HIVEP3: variants seen among roughly 807,000 people sequenced by gnomAD.
HIVEP3 encodes the protein transcription factor HIVEP3.
Under a neutral mutation model 152.8 loss-of-function variants are expected in HIVEP3, and 49 were observed. The observed-to-expected ratio is 0.32, with a 90% confidence interval of 0.26 to 0.41. The LOEUF is 0.41. HIVEP3 is among the 10% of genes least tolerant of loss of function. The pLI is 1.00. For synonymous variants in HIVEP3, 1,269 were observed against 1,289.0 expected, an observed-to-expected ratio of 0.98 and a Z score of 0.33; for missense variants, 2,790 against 3,103.3, an observed-to-expected ratio of 0.90 and a Z score of 2.40.
intron 5 of HIVEP3, among the ~76,000 whole-genome samples, chr1:41,567,085 C>G (rs887378228): frequency 6.6e-6 from 1 of 152,160 alleles, no homozygotes; most frequent in Non-Finnish European, 1.5e-5. Context: ...GTCACATGTC[C>G]AACAAGTTTT....
rs139041950 is a variant in HIVEP3, at chr1:41,579,916, C to T, written c.4882G>A (p.Ala1628Thr). 1.0e-4 allele frequency: 166 copies of T among 1,614,190 alleles called. No individual in the cohort carries two copies. Among genetic ancestry groups the T allele is most frequent in the Admixed American group, 1.7e-4 (10 of 60,032 alleles). ...QHADRRSSVY[A>T]GWCISLYNPN... ...TTGTACAAACTTATGCACCAACCAG[C>T]GTAAACAGAGGACCTCCTATCTGCA... Residue 1628 changes from alanine (A) to threonine (T), a missense_variant, in exon 4 of 9, where the codon GCT becomes ACT. This residue lies in a region of HIVEP3 where 1,078 missense variants were observed against 1,165.3 expected (regional missense o/e 0.93). Coordinates refer to ENST00000372583, the MANE Select transcript of HIVEP3 (RefSeq NM_024503.5).
chr1:41,519,268 G>T (rs918360306), intron 6 of HIVEP3, among the ~76,000 whole-genome samples: 5 of 152,216 alleles, frequency 3.3e-5, no homozygotes, highest in African/African-American at 1.2e-4. Context: ...CCTCAGAGGG[G>T]AGGCTGACTT....
At chr1:41,714,934 C>T (rs1371661378) in intron 1 of HIVEP3, among the ~76,000 whole-genome samples, 1 of 152,102 alleles carries the variant, frequency 6.6e-6, no homozygotes, top group Non-Finnish European at 1.5e-5. Context: ...AGACTGTCTT[C>T]CCCACTCCCT....
At chr1:41,551,011 T>C (rs1388044355) in intron 5 of HIVEP3, among the ~76,000 whole-genome samples, 1 of 152,182 alleles carries the variant, frequency 6.6e-6, no homozygotes, top group African/African-American at 2.4e-5. Flanking sequence ...TGGCTGTGGG[T>C]TTGTCATAAA....
intron 3 of HIVEP3, among the ~76,000 whole-genome samples, chr1:41,610,613 T>C (rs923114174): frequency 2.6e-5 from 4 of 152,196 alleles, no homozygotes; most frequent in Non-Finnish European, 5.9e-5. Context: ...GGTGGGGCAG[T>C]GGCCCACAGC....
At chr1:41,788,199 G>A (rs568919898) in intron 1 of HIVEP3, among the ~76,000 whole-genome samples, 176 of 152,302 alleles carry the variant, frequency 1.2e-3, no homozygotes, top group Admixed American at 2.7e-3. Context: ...GGAGCGCAGC[G>A]TCTCCCAGCA....
chr1:41,760,194 A>G (rs2124243989), intron 1 of HIVEP3, among the ~76,000 whole-genome samples: 1 of 152,318 alleles, frequency 6.6e-6, no homozygotes, highest in African/African-American at 2.4e-5. Context: ...ATTTTTAAAA[A>G]TGGGATGAAT....
In HIVEP3 at chr1:41,873,554, C is replaced by T. The variant is rs1219974804; in HGVS notation, c.-801+44859G>A. Among the ~76,000 whole-genome samples, 1 of 152,230 alleles carries T rather than the reference C, an allele frequency of 6.6e-6. No individual in the cohort carries two copies. The highest frequency in any genetic ancestry group is 2.4e-5 in the African/African-American group (1 of 41,466). ...TATTTCAGAGGTAATGATACTTTTA[C>T]ATGAGATAACTTCCCAAGACACTAA... On this transcript the variant is annotated intron_variant, in intron 1 of 8. Coordinates refer to ENST00000372583, the MANE Select transcript of HIVEP3 (RefSeq NM_024503.5). The surrounding 1 kb of genome is among the most constrained non-coding windows in gnomAD (Gnocchi z 4.2).
At chr1:41,676,255 G>C (rs1278187301) in intron 2 of HIVEP3, among the ~76,000 whole-genome samples, 2 of 152,070 alleles carry the variant, frequency 1.3e-5, no homozygotes, top group Non-Finnish European at 2.9e-5. Context: ...TTTCACCATG[G>C]TGGCCAGGCT....
At chr1:41,737,768 G>A (rs531041319) in intron 1 of HIVEP3, among the ~76,000 whole-genome samples, 1 of 152,296 alleles carries the variant, frequency 6.6e-6, no homozygotes, top group Non-Finnish European at 1.5e-5. Flanking sequence ...CCAAGGCCTT[G>A]GTGATGATGA....
chr1:41,752,480 T>A (rs866428754), intron 1 of HIVEP3, among the ~76,000 whole-genome samples: 1 of 152,114 alleles, frequency 6.6e-6, no homozygotes, highest in Non-Finnish European at 1.5e-5. Flanking sequence ...GGAGCTCCCA[T>A]GGGGCACAGG....
intron 2 of HIVEP3, among the ~76,000 whole-genome samples, chr1:41,633,715 TG>T (rs1645229460): frequency 6.6e-6 from 1 of 152,142 alleles, no homozygotes; most frequent in Non-Finnish European, 1.5e-5. Context: ...CCACCAGTCC[TG>T]GACTACTGTG....
chr1:41,853,847 C>T (rs905744230), intron 1 of HIVEP3, among the ~76,000 whole-genome samples: 13 of 152,258 alleles, frequency 8.5e-5, no homozygotes, highest in African/African-American at 2.9e-4. Context: ...TCTCCACCTG[C>T]CAACCTTCAG....
intron 1 of HIVEP3, among the ~76,000 whole-genome samples, chr1:41,735,577 C>T (rs114586971): frequency 2.2e-4 from 33 of 152,250 alleles, no homozygotes; most frequent in African/African-American, 7.2e-4. Flanking sequence ...CACTCCCTTC[C>T]CCCAAATTAG....
At chr1:41,780,700 G>A (rs1648993365) in intron 1 of HIVEP3, among the ~76,000 whole-genome samples, 1 of 152,208 alleles carries the variant, frequency 6.6e-6, no homozygotes, top group African/African-American at 2.4e-5. Flanking sequence ...GGGAGGCAAA[G>A]CTGCTTCTGT....
intron 5 of HIVEP3, among the ~76,000 whole-genome samples, chr1:41,546,976 C>T (rs1643817991): frequency 6.6e-6 from 1 of 152,162 alleles, no homozygotes; most frequent in Non-Finnish European, 1.5e-5. Context: ...ACACTGACTG[C>T]AGATCTACGC....
At chr1:41,955,202 T>A (rs781638375) in intron 1 of HIVEP3, among the ~76,000 whole-genome samples, 12 of 152,050 alleles carry the variant, frequency 7.9e-5, no homozygotes, top group Non-Finnish European at 1.6e-4. Flanking sequence ...AAGTAACTTA[T>A]CTTGGGAAAG....
At chr1:41,655,582 C>CAAAAAA (rs55918119) in intron 2 of HIVEP3, among the ~76,000 whole-genome samples, 21 of 57,416 alleles carry the variant, frequency 3.7e-4, no homozygotes, top group South Asian at 1.6e-3. Flanking sequence ...CACTCCATCT[C>CAAAAAA]AAAAAAAAAA....
At chr1:41,869,763 T>A (rs1053321237) in intron 1 of HIVEP3, 1 of 152,196 alleles carries the variant, frequency 6.6e-6, no homozygotes, top group Non-Finnish European at 1.5e-5. Context: ...TCCCAACTCA[T>A]TAGACTGTAC....
Sources: gnomAD v4.1 joint callset for allele counts (sites outside exome capture counted in the v4.1 genomes callset) on GRCh38, gnomAD v4.1.1 for gene constraint, gnomAD v4.1.1 regional missense constraint, Gnocchi (gnomAD v3.1) non-coding constraint, MANE v1.5 for transcripts, NCBI Gene and HGNC (gene_info 2026-07-23, HGNC 2026-07-21) for gene names.